Variants in GRIP1 observed in about 807,000 individuals in gnomAD.
GRIP1 encodes glutamate receptor interacting protein 1.
Under a neutral mutation model 129.9 loss-of-function variants are expected in GRIP1, and 45 were observed. The observed-to-expected ratio is 0.35, with a 90% CI of 0.27 to 0.44. The LOEUF is 0.44. Among genes scored for constraint, GRIP1 ranks in the 20% least tolerant of loss-of-function variants. The probability of loss-of-function intolerance (pLI) is 1.00; values close to 1 mark genes in which losing one functional copy is unlikely to be tolerated. For synonymous variants in GRIP1, 530 were observed against 520.8 expected, an observed-to-expected ratio of 1.02 and a Z score of -0.24; for missense variants, 1,196 against 1,396.8, an observed-to-expected ratio of 0.86 and a Z score of 2.29.
intron 12 of GRIP1, 53 bp downstream of exon 12, chr12:66,445,269 C>T: frequency 7.3e-7 from 1 of 1,361,976 alleles, no homozygotes; most frequent in Non-Finnish European, 1.1e-6. Context: ...TCAAAGATAG[C>T]AGGTACCAGA....
intron 1 of GRIP1, among the ~76,000 whole-genome samples, chr12:67,024,274 A>C (rs554232799): frequency 1.8e-4 from 27 of 152,310 alleles, no homozygotes; most frequent in Non-Finnish European, 3.2e-4. Flanking sequence ...GTATTTCTGA[A>C]GAGGAAACTG....
intron 1 of GRIP1, among the ~76,000 whole-genome samples, chr12:66,956,108 C>G (rs2041836689): frequency 6.6e-6 from 1 of 152,264 alleles, no homozygotes; most frequent in African/African-American, 2.4e-5. Context: ...TGCTATAATT[C>G]TATTAACCAA....
At chr12:66,902,977 C>T (rs914852353) in intron 1 of GRIP1, among the ~76,000 whole-genome samples, 12 of 152,046 alleles carry the variant, frequency 7.9e-5, no homozygotes, top group African/African-American at 2.9e-4. Flanking sequence ...CCATGGAGTT[C>T]TGATTTGTTT....
chr12:66,546,118 G>C (rs1210777490), intron 2 of GRIP1, among the ~76,000 whole-genome samples: 1 of 151,862 alleles, frequency 6.6e-6, no homozygotes, highest in Non-Finnish European at 1.5e-5. Flanking sequence ...GAAAGGGAAA[G>C]GAACAATTTT....
chr12:66,408,016 T>A (rs1164368383), intron 15 of GRIP1, among the ~76,000 whole-genome samples: 1 of 152,178 alleles, frequency 6.6e-6, no homozygotes, highest in Non-Finnish European at 1.5e-5. Context: ...TCAGCCATAG[T>A]ACGACAGGGC....
rs1025109371 is a variant in GRIP1, at chr12:66,885,999, A to G, written c.58+183051T>C. Among the ~76,000 whole-genome samples, 4 of 152,194 alleles carry G rather than the reference A, an allele frequency of 2.6e-5. 1 individual carries two copies. The South Asian group carries it at 6.2e-4, about 24-fold the overall frequency. ...GAAAAATTTATGGGTGCAGTGGTTC[A>G]CGCCTGTAATCCCAGCACTTTGGGA... On this transcript the variant is annotated intron_variant, in intron 1 of 1. Coordinates refer to the GRIP1 transcript ENST00000643019.
intron 1 of GRIP1, among the ~76,000 whole-genome samples, chr12:66,604,568 C>T (rs572960140): frequency 2.0e-5 from 3 of 152,182 alleles, no homozygotes; most frequent in Non-Finnish European, 4.4e-5. Flanking sequence ...ATATCTTTCA[C>T]ATTTTTTCTT....
intron 1 of GRIP1, among the ~76,000 whole-genome samples, chr12:66,853,253 T>C (rs1437598001): frequency 2.0e-5 from 3 of 151,864 alleles, no homozygotes; most frequent in Non-Finnish European, 4.4e-5. Context: ...AATAGTTCCT[T>C]AAATACTCCC....
intron 1 of GRIP1, among the ~76,000 whole-genome samples, chr12:67,003,729 A>T (rs118085215): frequency 0.016 from 2,478 of 152,006 alleles, 26 homozygotes; most frequent in South Asian, 0.038. Context: ...AATAAATAAA[A>T]AAATAAATAA....
intron 1 of GRIP1, among the ~76,000 whole-genome samples, chr12:66,714,535 C>A (rs1326397941): frequency 6.6e-6 from 1 of 152,020 alleles, no homozygotes; most frequent in African/African-American, 2.4e-5. Flanking sequence ...TGTAATTATA[C>A]TAAATAGCCT....
chr12:67,005,917 C>T (rs74504357), intron 1 of GRIP1, among the ~76,000 whole-genome samples: 2 of 152,306 alleles, frequency 1.3e-5, no homozygotes, highest in East Asian at 3.9e-4. Context: ...TTAAATAAGA[C>T]TCTTTGACCA....
chr12:66,964,292 G>C (rs1056581090), intron 1 of GRIP1, among the ~76,000 whole-genome samples: 2 of 152,070 alleles, frequency 1.3e-5, no homozygotes, highest in African/African-American at 4.8e-5. Context: ...GACAGAAAGG[G>C]CATCAAAGGA....
chr12:66,746,841 T>C (rs548935037), intron 1 of GRIP1, among the ~76,000 whole-genome samples: 1 of 152,346 alleles, frequency 6.6e-6, no homozygotes, highest in South Asian at 2.1e-4. Flanking sequence ...TAATTGACAG[T>C]TTACAGGAAA....
At chr12:66,620,003 T>A (rs1232585122) in intron 1 of GRIP1, among the ~76,000 whole-genome samples, 1 of 152,190 alleles carries the variant, frequency 6.6e-6, no homozygotes, top group African/African-American at 2.4e-5. Context: ...AGACTTTACA[T>A]CCATTACTTC....
intron 5 of GRIP1, among the ~76,000 whole-genome samples, chr12:66,528,406 G>A (rs2139081645): frequency 6.6e-6 from 1 of 152,154 alleles, no homozygotes; most frequent in South Asian, 2.1e-4. Context: ...CAAAGTGCTG[G>A]GATTACAGGC....
At chr12:66,378,389 T>G (rs1404575593) in intron 20 of GRIP1, among the ~76,000 whole-genome samples, 5 of 151,864 alleles carry the variant, frequency 3.3e-5, no homozygotes, top group Admixed American at 6.6e-5. Context: ...GAGGTGGAGG[T>G]TGCAGTGAGC....
chr12:66,591,874 C>T (rs7297840), intron 2 of GRIP1, among the ~76,000 whole-genome samples: 1,993 of 152,204 alleles, frequency 0.013, 47 homozygotes, highest in African/African-American at 0.046. Context: ...ATCTGCCCGC[C>T]TTGGCCTCCC....
chr12:66,774,712 G>C (rs1025175272), intron 1 of GRIP1, among the ~76,000 whole-genome samples: 2 of 152,176 alleles, frequency 1.3e-5, no homozygotes, highest in African/African-American at 4.8e-5. Flanking sequence ...CAGTAAGATA[G>C]AGTGGGACTG....
chr12:66,554,452 G>A (rs2062249627), intron 2 of GRIP1, among the ~76,000 whole-genome samples: 1 of 152,110 alleles, frequency 6.6e-6, no homozygotes, highest in Non-Finnish European at 1.5e-5. Context: ...GGCTTCAAGT[G>A]TGACCTAGCA....
Sources: gnomAD v4.1 joint callset for allele counts (sites outside exome capture counted in the v4.1 genomes callset) on GRCh38, gnomAD v4.1.1 for gene constraint, MANE v1.5 for transcripts, NCBI Gene and HGNC (gene_info 2026-07-23, HGNC 2026-07-21) for gene names.